KNTC1: variants seen among roughly 807,000 people sequenced by gnomAD.
KNTC1 encodes kinetochore associated 1, also known as kinetochore-associated protein 1.
A neutral mutation model predicts 314.4 loss-of-function variants in KNTC1; 253 were observed. The ratio of observed to expected loss-of-function variants is 0.80; its 90% CI spans 0.73 to 0.89. The LOEUF (loss-of-function observed/expected upper bound fraction) is 0.89, where lower values mean the gene tolerates loss of function less well. KNTC1 is among the 40% of genes least tolerant of loss of function. The pLI is 0.00. For missense variants in KNTC1, 2,475 were observed against 2,572.9 expected (o/e 0.96, Z 0.82); for synonymous variants, 901 against 901.4 (o/e 1.00, Z 0.01).
intron 21 of KNTC1, among the ~76,000 whole-genome samples, chr12:122,569,345 A>G (rs1964543828): frequency 6.6e-6 from 1 of 152,226 alleles, no homozygotes; most frequent in African/African-American, 2.4e-5. Context: ...GGTATAGAAC[A>G]TTAGATCCAT....
At chr12:122,528,596 A>G (rs1960997713) in intron 1 of KNTC1, among the ~76,000 whole-genome samples, 1 of 152,204 alleles carries the variant, frequency 6.6e-6, no homozygotes, top group Non-Finnish European at 1.5e-5. Flanking sequence ...GGGTACAACT[A>G]AATTAGTCCC....
At chr12:122,614,231 A>C (rs1743333129) in intron 55 of KNTC1, among the ~76,000 whole-genome samples, 1 of 151,946 alleles carries the variant, frequency 6.6e-6, no homozygotes, top group Non-Finnish European at 1.5e-5. Flanking sequence ...AGGTCCTTTT[A>C]CCTCTTTTGC....
chr12:122,533,927 GTAT>G (rs1193718720), intron 2 of KNTC1, among the ~76,000 whole-genome samples: 4 of 150,470 alleles, frequency 2.7e-5, no homozygotes, highest in East Asian at 1.9e-4. Context: ...AACCTTGTAG[GTAT>G]TATTATTGTT....
At chr12:122,562,439 T>TTGTGTGTGTGTGTG (rs4039211) in intron 19 of KNTC1, among the ~76,000 whole-genome samples, 199 bp from the exon 20 acceptor site, 2 of 144,982 alleles carry the variant, frequency 1.4e-5, no homozygotes, top group Non-Finnish European at 3.0e-5. Flanking sequence ...ATCCCATGTT[T>TTGTGTGTGTGTGTG]TGTGTGTGTG....
chr12:122,621,753 G>A (rs1874460515), intron 60 of KNTC1, 128 bp from the exon 61 acceptor site: 2 of 607,844 alleles, frequency 3.3e-6, no homozygotes, highest in Non-Finnish European at 5.8e-6. Flanking sequence ...CCTTGATGTC[G>A]TTCAGTGTTT....
rs931153925 is a variant in KNTC1 at position 122,604,567 on chromosome 12, C to T, written c.5105C>T (p.Ser1702Phe). The T allele has an allele frequency of 2.1e-6, 3 of 1,428,388 alleles. No homozygotes were observed. Among genetic ancestry groups the T allele is most frequent in the African/African-American group, 2.8e-5 (2 of 71,386 alleles). The allele number at this position is 1,428,388 out of a possible 1,614,324, so 88.5% of individuals were successfully genotyped here. Residue 1702 changes from serine to phenylalanine, a missense_variant, in exon 49 of 64, where the codon TCC (serine) becomes TTC (phenylalanine). Transcript: ENST00000333479. Reference protein sequence around the residue: ...ISLAQDIPEGSFKISALKFCL... With the variant: ...ISLAQDIPEGFFKISALKFCL... ...TTTATTTATTTATTTATTTTAGGTT[C>T]CTTCAAGATATCTGCTTTGAAATTC...
At position 122,575,891 on chromosome 12, in the gene KNTC1, G is replaced by T; in HGVS notation, c.2578G>T (p.Glu860Ter). Residue 860 changes from glutamate (E) to a stop codon, truncating the protein, a stop_gained, in exon 29 of 64, where the codon GAA becomes TAA. Transcript: ENST00000333479. LOFTEE classifies it high-confidence loss of function. The part of the protein sequence containing the change: ...GIREVNLLNK[E>*]IMRVVRYILK... The stretch of plus-strand genomic sequence containing the variant: ...AAGAGAGGTAAATCTCTTAAACAAG[G>T]AAATAATGGTAAGTACACTCTTCGA... 1.2e-6 allele frequency: 2 copies of T among 1,610,900 alleles called. No homozygotes were observed. Among genetic ancestry groups the T allele is most frequent in the Non-Finnish European group, 1.7e-6 (2 of 1,179,074 alleles).
At chr12:122,552,917 C>T (rs1055278563) in intron 16 of KNTC1, among the ~76,000 whole-genome samples, 2 of 152,154 alleles carry the variant, frequency 1.3e-5, no homozygotes, top group East Asian at 3.9e-4. Flanking sequence ...CTTTGGGAGA[C>T]AGAGACAGGC....
At chr12:122,625,171 A>G (rs1162429214) in intron 63 of KNTC1, among the ~76,000 whole-genome samples, 1 of 151,790 alleles carries the variant, frequency 6.6e-6, no homozygotes, top group Non-Finnish European at 1.5e-5. Flanking sequence ...TTGGGAGGCC[A>G]AGGGGCAGAT....
Position 122,561,546 on chromosome 12 carries a change from C to T in KNTC1, c.1489-375C>T, listed in dbSNP as rs549100730. Among the ~76,000 whole-genome samples, 12 of 151,238 alleles carry T rather than the reference C, an allele frequency of 7.9e-5. No individual in the cohort carries two copies. The South Asian group carries it at 2.1e-3, about 26-fold the overall frequency. ...TCGGCTCATGGCAACCTCAGCCTCT[C>T]GGGCTCAAGGGATTCTCGTGCCTCA... On this transcript the variant is annotated intron_variant, in intron 18 of 63. Transcript: ENST00000333479.
intron 38 of KNTC1, among the ~76,000 whole-genome samples, chr12:122,586,971 C>T (rs1593617172): frequency 6.6e-6 from 1 of 152,142 alleles, no homozygotes; most frequent in Admixed American, 6.5e-5. Flanking sequence ...TGTGCCACCA[C>T]GCCGAGCTAG....
Position 122,597,840 on chromosome 12 carries a change from C to G in KNTC1, c.4465C>G (p.Arg1489Gly). 1 of 1,614,026 alleles carries G rather than the reference C, an allele frequency of 6.2e-7. No individual in the cohort carries two copies. Among genetic ancestry groups the G allele is most frequent in the Non-Finnish European group, 8.5e-7 (1 of 1,179,892 alleles). ...QGDASMDSAKRRHPKLLAKAL... is the reference protein window; with the variant it reads ...QGDASMDSAKGRHPKLLAKAL... ...AGATGCAAGCATGGACTCTGCAAAG[C>G]GGCGGCATCCCAAACTCCTGGCCAA... The change falls in exon 44 of 64, where the codon CGG becomes GGG. Residue 1489 changes from arginine (R) to glycine (G), a missense_variant. By Grantham distance (125) the Arg-to-Gly change is moderately radical. Coordinates refer to ENST00000333479, the MANE Select transcript of KNTC1 (RefSeq NM_014708.6).
intron 43 of KNTC1, among the ~76,000 whole-genome samples, chr12:122,596,238 A>G (rs917728792): frequency 6.6e-6 from 1 of 151,872 alleles, no homozygotes; most frequent in African/African-American, 2.4e-5. Flanking sequence ...GCATGCCACC[A>G]TGCCGGGTTA....
chr12:122,625,589 C>CAA (rs902770670), intron 63 of KNTC1, among the ~76,000 whole-genome samples: 1 of 103,126 alleles, frequency 9.7e-6, no homozygotes, highest in African/African-American at 3.5e-5. Context: ...CAAAACAAAA[C>CAA]AAAAAAAAAA....
intron 56 of KNTC1, 78 bp from the exon 57 acceptor site, chr12:122,615,392 C>A: frequency 1.6e-6 from 2 of 1,222,488 alleles, no homozygotes; most frequent in South Asian, 1.5e-5. Flanking sequence ...TCTTCTGGAA[C>A]TTTAACATCT....
chr12:122,553,075 T>G (rs1323870093), intron 16 of KNTC1, among the ~76,000 whole-genome samples: 2 of 151,556 alleles, frequency 1.3e-5, no homozygotes, highest in Non-Finnish European at 2.9e-5. Flanking sequence ...GAGAATCACT[T>G]GAACCCAGGA....
chr12:122,572,331 G>T (rs1323758350), intron 24 of KNTC1, among the ~76,000 whole-genome samples: 1 of 152,018 alleles, frequency 6.6e-6, no homozygotes, highest in Non-Finnish European at 1.5e-5. Context: ...GGAGGCAGAG[G>T]TTGCAGTGAG....
intron 59 of KNTC1, chr12:122,620,278 C>T (rs769905977): frequency 1.0e-5 from 4 of 385,466 alleles, no homozygotes; most frequent in Non-Finnish European, 1.9e-5. Flanking sequence ...GTCCGTGTTC[C>T]CATGGGTAAA....
At chr12:122,598,391 T>C (rs1284680995) in intron 44 of KNTC1, among the ~76,000 whole-genome samples, 2 of 151,340 alleles carry the variant, frequency 1.3e-5, no homozygotes, top group Non-Finnish European at 2.9e-5. Flanking sequence ...TTCATGGTCC[T>C]GCCGGAAATG....
Sources: gnomAD v4.1 joint callset for allele counts (sites outside exome capture counted in the v4.1 genomes callset) on GRCh38, gnomAD v4.1.1 for gene constraint, MANE v1.5 for transcripts, NCBI Gene and HGNC (gene_info 2026-07-23, HGNC 2026-07-21) for gene names.